The following POMT2 variants were observed in gnomAD, a reference collection of about 807,000 sequenced individuals.
POMT2 encodes the protein protein O-mannosyltransferase 2, also known as protein O-mannosyl-transferase 2.
In POMT2, 75 loss-of-function variants were observed where a neutral mutation model predicts 100.0. The observed-to-expected ratio is 0.75, with a 90% CI of 0.62 to 0.91. POMT2 has a LOEUF of 0.91. Among genes scored for constraint, POMT2 ranks in the 40% least tolerant of loss-of-function variants. POMT2 has a pLI of 0.00. For missense variants in POMT2, 940 were observed against 955.1 expected, an observed-to-expected ratio of 0.98 and a Z score of 0.21; for synonymous variants, 378 against 374.1, an observed-to-expected ratio of 1.01 and a Z score of -0.12.
chr14:77,320,548 G>A lies in POMT2; in HGVS notation c.134C>T (p.Pro45Leu), dbSNP rs753037500. 8.3e-6 allele frequency: 13 copies of A among 1,565,062 alleles called. No homozygotes were observed. Among genetic ancestry groups the A allele is most frequent in the African/African-American group, 1.3e-5 (1 of 74,076 alleles). ...CTCGAAGCGCCGTGAGCCCCAAGCA[G>A]GCCGTTTGGGGCTTCGCGCCACAGC... ...AEAVARSPKR[P>L]AWGSRRFEAV... is the part of the protein sequence containing the mutation. Residue 45 changes from proline (P) to leucine (L), a missense_variant, in exon 1 of 21, where the codon CCT becomes CTT. By Grantham distance (98) the Pro-to-Leu change is moderately conservative. Transcript: ENST00000261534.
chr14:77,275,936 G>GT lies in POMT2; in HGVS notation c.*1439_*1440insA, dbSNP rs1889928413. On this transcript the variant is annotated 3_prime_UTR_variant, in exon 21 of 21. Transcript: ENST00000261534. ...AGTAGGTAGCACAGCCTGTCCCTGG[G>GT]ACCAATATCCAGTCTCCGTGGCAAC... The GT allele has an allele frequency of 6.6e-6, 1 of 152,610 alleles. No homozygotes were observed. Among genetic ancestry groups the GT allele is most frequent in the Non-Finnish European group, 1.5e-5 (1 of 68,078 alleles). The allele number at this position is 152,610 out of a possible 1,614,324, so 9.5% of individuals were successfully genotyped here.
At chr14:77,318,558 G>A (rs952367681) in intron 1 of POMT2, among the ~76,000 whole-genome samples, 2 of 152,078 alleles carry the variant, frequency 1.3e-5, no homozygotes, top group African/African-American at 4.8e-5. Flanking sequence ...GATTGAGGCT[G>A]CAACTGTTCA....
In POMT2 at chr14:77,298,703, G is replaced by A; in HGVS notation, c.992C>T (p.Ala331Val). ...ARLSGNNLHN[A>V]SIPEHLAYGS... Reference sequence around the variant, plus strand: ...GAGACACTCACGTTCAGGGATGGAAGCATTGTGCAGGTTGTTCCCTGAAAG... The same window carrying A: ...GAGACACTCACGTTCAGGGATGGAAACATTGTGCAGGTTGTTCCCTGAAAG... The change falls in exon 8 of 21, where the codon GCT becomes GTT. Residue 331 changes from alanine (A) to valine (V), a missense_variant. By Grantham distance (64) the Ala-to-Val change is moderately conservative (BLOSUM62 0). Transcript: ENST00000261534. 1 of 1,613,832 alleles carries A rather than the reference G, an allele frequency of 6.2e-7. No individual in the cohort carries two copies. Among genetic ancestry groups the A allele is most frequent in the East Asian group, 2.2e-5 (1 of 44,878 alleles).
chr14:77,303,662 C>T (rs942106466), intron 4 of POMT2, among the ~76,000 whole-genome samples: 3 of 152,188 alleles, frequency 2.0e-5, no homozygotes, highest in African/African-American at 4.8e-5. Flanking sequence ...GGGCCTGATC[C>T]TTTGTCTCAC....
rs1890535823 is a variant in POMT2 at position 77,288,816 on chromosome 14, G to T, written c.1199C>A (p.Ser400Tyr). ...HNTNSDPLDP[S>Y]FPVEFVRHGD... is the part of the protein sequence containing the mutation. ...ATGTCTTACAAACTCCACTGGGAAG[G>T]AAGGGTCTAGGGGATCTGCCAAAAA... Residue 400 changes from serine (S) to tyrosine (Y), a missense_variant, in exon 11 of 21, where the codon TCC becomes TAC. Coordinates refer to ENST00000261534, the MANE Select transcript of POMT2 (RefSeq NM_013382.7). 1 of 1,613,788 alleles carries T rather than the reference G, an allele frequency of 6.2e-7. No homozygotes were observed.
intron 3 of POMT2, among the ~76,000 whole-genome samples, chr14:77,305,042 AG>A (rs1891177006): frequency 6.6e-6 from 1 of 152,240 alleles, no homozygotes; most frequent in Admixed American, 6.5e-5. Flanking sequence ...CAGCAAGTTC[AG>A]CCAGGAAGGT....
intron 9 of POMT2, among the ~76,000 whole-genome samples, chr14:77,294,483 G>A (rs796854400): frequency 3.3e-5 from 5 of 152,274 alleles, no homozygotes; most frequent in African/African-American, 1.2e-4. Context: ...CATCAAGCCC[G>A]AGTAATTTTT....
intron 15 of POMT2, among the ~76,000 whole-genome samples, chr14:77,280,977 C>A (rs1890205642): frequency 6.6e-6 from 1 of 151,916 alleles, no homozygotes; most frequent in South Asian, 2.1e-4. Context: ...GCCTGTAATC[C>A]CAGCCACTTG....
chr14:77,289,193 C>T (rs569213395), intron 10 of POMT2, among the ~76,000 whole-genome samples: 20 of 151,998 alleles, frequency 1.3e-4, no homozygotes, highest in African/African-American at 4.8e-4. Flanking sequence ...GAATTCGAGA[C>T]AAGCCTGGCC....
At position 77,320,621 on chromosome 14, in the gene POMT2, A is replaced by G. The variant is rs767316912; in HGVS notation, c.61T>C (p.Cys21Arg). ...GCGGCCCTAGCAGCCTGGGGGCCAC[A>G]GCGGCCCCTCCGGGGACGCAGCTCG... ...ESELRPRRGR[C>R]GPQAARAAGR... The change falls in exon 1 of 21, where the codon TGT becomes CGT. Residue 21 changes from cysteine to arginine, a missense_variant. Cys to Arg is a radical substitution (Grantham distance 180, BLOSUM62 -3). Coordinates refer to ENST00000261534, the MANE Select transcript of POMT2 (RefSeq NM_013382.7). The G allele has an allele frequency of 6.5e-5, 104 of 1,590,540 alleles. No individual in the cohort carries two copies. The highest frequency in any genetic ancestry group is 8.5e-5 in the Non-Finnish European group (100 of 1,176,308).
intron 10 of POMT2, 120 bp from the exon 11 acceptor site, chr14:77,288,951 C>T (rs1442647422): frequency 2.4e-6 from 2 of 840,382 alleles, no homozygotes; most frequent in East Asian, 2.6e-5. Flanking sequence ...TAACCAGGTA[C>T]TCTGAGACCA....
chr14:77,299,819 AGGACAAGGCACCTGCATCT>A (rs1267760170), intron 6 of POMT2: 1 of 436,174 alleles, frequency 2.3e-6, no homozygotes, highest in Non-Finnish European at 4.3e-6. Context: ...TACTGTGCCA[AGGACAAGGCACCTGCATCT>A]GCAACACAGT....
chr14:77,285,262 G>T, intron 13 of POMT2: 1 of 721,736 alleles, frequency 1.4e-6, no homozygotes, highest in Non-Finnish European at 2.3e-6. Flanking sequence ...GCACCAGCCA[G>T]ATGTGAAAAT....
At chr14:77,309,916 G>A (rs979272483) in intron 2 of POMT2, among the ~76,000 whole-genome samples, 2 of 152,110 alleles carry the variant, frequency 1.3e-5, no homozygotes, top group Non-Finnish European at 2.9e-5. Context: ...GACCTCAGGT[G>A]ATCTGCCCAC....
chr14:77,290,870 G>C (rs1252590194), intron 10 of POMT2, among the ~76,000 whole-genome samples: 1 of 152,196 alleles, frequency 6.6e-6, no homozygotes, highest in Non-Finnish European at 1.5e-5. Context: ...GGCCAGGGCT[G>C]AGCAGTGGGC....
chr14:77,281,666 C>G (rs1369784471), intron 15 of POMT2, among the ~76,000 whole-genome samples: 1 of 152,206 alleles, frequency 6.6e-6, no homozygotes, highest in East Asian at 1.9e-4. Flanking sequence ...GCTTCTCCAC[C>G]TCAGCACTCC....
chr14:77,311,779 A>T (rs1891441880), intron 2 of POMT2, among the ~76,000 whole-genome samples, 170 bp downstream of exon 2: 1 of 152,156 alleles, frequency 6.6e-6, no homozygotes, highest in Non-Finnish European at 1.5e-5. Flanking sequence ...GAGGACCCTT[A>T]AAAAACACCA....
rs536078285 is a variant in POMT2, at chr14:77,305,836, A to G, written c.438+501T>C. Among the ~76,000 whole-genome samples, 493 of 152,358 alleles carry G rather than the reference A, an allele frequency of 3.2e-3. 3 individuals carry two copies. Among genetic ancestry groups the G allele is most frequent in the African/African-American group, 0.011 (475 of 41,592 alleles). On this transcript the variant is annotated intron_variant, in intron 3 of 20. Coordinates refer to ENST00000261534, the MANE Select transcript of POMT2 (RefSeq NM_013382.7). ...TTGGCCTCCCTTCAAATAAGGCTGG[A>G]AAACTCTTTCTGTGTGCCTGAAACC...
At chr14:77,302,747 T>C in intron 5 of POMT2, 88 bp downstream of exon 5, 1 of 1,093,352 alleles carries the variant, frequency 9.1e-7, no homozygotes, top group East Asian at 2.5e-5. Flanking sequence ...GACAAGTCTC[T>C]GGGCACCCGC....
Sources: gnomAD v4.1 joint callset for allele counts (sites outside exome capture counted in the v4.1 genomes callset) on GRCh38, gnomAD v4.1.1 for gene constraint, MANE v1.5 for transcripts, NCBI Gene and HGNC (gene_info 2026-07-23, HGNC 2026-07-21) for gene names.